Variants in SMARCA2 observed in about 807,000 individuals in gnomAD.
The protein encoded by SMARCA2 is SWI/SNF related BAF chromatin remodeling complex subunit ATPase 2, also known as SWI/SNF-related matrix-associated actin-dependent regulator of chromatin subfamily A member 2.
A neutral mutation model predicts 199.8 loss-of-function variants in SMARCA2; 61 were observed. The ratio of observed to expected loss-of-function variants is 0.31; its 90% CI spans 0.25 to 0.38. SMARCA2 has a LOEUF of 0.38. Among genes scored for constraint, SMARCA2 ranks in the 10% least tolerant of loss-of-function variants. The probability of loss-of-function intolerance (pLI) is 1.00; values close to 1 mark genes in which losing one functional copy is unlikely to be tolerated. For synonymous variants in SMARCA2, 935 were observed against 732.0 expected (o/e 1.28, Z -4.48); for missense variants, 1,344 against 2,012.2 (o/e 0.67, Z 6.35).
intron 1 of SMARCA2, among the ~76,000 whole-genome samples, chr9:2,024,256 C>G (rs1818727835): frequency 6.6e-6 from 1 of 152,156 alleles, no homozygotes; most frequent in Non-Finnish European, 1.5e-5. Flanking sequence ...TACACTTTAC[C>G]TAATTCCTTT....
chr9:2,141,574 G>A (rs960666963), intron 27 of SMARCA2, among the ~76,000 whole-genome samples: 1 of 152,164 alleles, frequency 6.6e-6, no homozygotes, highest in Non-Finnish European at 1.5e-5. Context: ...AGAAGATTGT[G>A]TAGTTACTAG....
At chr9:2,018,552 G>A (rs1278890391) in intron 1 of SMARCA2, among the ~76,000 whole-genome samples, 1 of 152,152 alleles carries the variant, frequency 6.6e-6, no homozygotes, top group Non-Finnish European at 1.5e-5. Context: ...TGCACTGAGC[G>A]GTTATTTTTA....
intron 32 of SMARCA2, among the ~76,000 whole-genome samples, chr9:2,190,517 T>C (rs1439975403): frequency 6.6e-6 from 1 of 152,232 alleles, no homozygotes; most frequent in Non-Finnish European, 1.5e-5. Flanking sequence ...TATGGACATG[T>C]ATAAAGATCC....
chr9:2,084,711 G>C (rs1336190143), intron 17 of SMARCA2, among the ~76,000 whole-genome samples: 1 of 151,924 alleles, frequency 6.6e-6, no homozygotes, highest in African/African-American at 2.4e-5. Context: ...GGTTTTTCCT[G>C]GTGAAATAAT....
Position 2,170,109 on chromosome 9 carries a change from C to T in SMARCA2, c.4200-310C>T. On this transcript the variant is annotated intron_variant, in intron 28 of 33. Coordinates refer to ENST00000349721, the MANE Select transcript of SMARCA2 (RefSeq NM_003070.5). This position sits in a 1 kb window ranked among gnomAD's most constrained non-coding sequence, Gnocchi z 4.7. ...GATCACACGCACCTCTAGCCAGTGG[C>T]TGCCTGTCTCCCACCTTCTGGAACA... 6.6e-6 allele frequency among the ~76,000 whole-genome samples: 1 copy of T among 152,222 alleles called. No homozygotes were observed. The highest frequency in any genetic ancestry group is 1.9e-4 in the East Asian group (1 of 5,202).
chr9:2,122,428 A>T (rs559614151), intron 26 of SMARCA2, among the ~76,000 whole-genome samples: 1 of 152,136 alleles, frequency 6.6e-6, no homozygotes, highest in Admixed American at 6.5e-5. Flanking sequence ...TGTGCCAGTT[A>T]TGAAGGTTTG....
intron 31 of SMARCA2, 35 bp from the exon 32 acceptor site, chr9:2,186,061 T>C (rs1827428351): frequency 8.7e-6 from 14 of 1,605,636 alleles, no homozygotes; most frequent in Non-Finnish European, 1.2e-5. Flanking sequence ...GTAACTCAGC[T>C]TGCAGTTTTA....
intron 29 of SMARCA2, among the ~76,000 whole-genome samples, chr9:2,180,341 A>AT (rs1051912107): frequency 4.6e-5 from 7 of 152,200 alleles, no homozygotes; most frequent in African/African-American, 1.7e-4. Flanking sequence ...GCACTTCAGC[A>AT]TTTTTTCCAC....
At chr9:2,095,352 G>A (rs1822230835) in intron 19 of SMARCA2, among the ~76,000 whole-genome samples, 1 of 151,936 alleles carries the variant, frequency 6.6e-6, no homozygotes, top group Admixed American at 6.6e-5. Context: ...CCAAAGTGCT[G>A]GGACTGCAGG....
At position 2,173,274 on chromosome 9, in the gene SMARCA2, T is replaced by C. The variant is rs566298079; in HGVS notation, c.4253+2802T>C. Among the ~76,000 whole-genome samples, 98 of 152,188 alleles carry C rather than the reference T, an allele frequency of 6.4e-4. 1 individual carries two copies. Among genetic ancestry groups the C allele is most frequent in the Non-Finnish European group, 9.3e-4 (63 of 68,032 alleles). On this transcript the variant is annotated intron_variant, in intron 29 of 33. Transcript: ENST00000349721. The stretch of plus-strand genomic sequence containing the variant: ...ACAGCTGAACTCTCTACTTGGCCAT[T>C]AGCAGCCCTTGATGTTGTGATGATG...
intron 1 of SMARCA2, among the ~76,000 whole-genome samples, chr9:2,026,239 A>T (rs1184515626): frequency 6.6e-6 from 1 of 152,166 alleles, no homozygotes; most frequent in African/African-American, 2.4e-5. Flanking sequence ...ACATTTCTTC[A>T]TTTGTTAAAC....
intron 10 of SMARCA2, among the ~76,000 whole-genome samples, chr9:2,072,587 C>A (rs1000558171): frequency 6.6e-6 from 1 of 152,174 alleles, no homozygotes; most frequent in Non-Finnish European, 1.5e-5. Flanking sequence ...AGTTATAATA[C>A]CTTTTCTGTT....
rs1823242261 is a variant in SMARCA2 at position 2,117,009 on chromosome 9, T to C, written c.3684+960T>C. On this transcript the variant is annotated intron_variant, in intron 25 of 33. Coordinates refer to ENST00000349721, the MANE Select transcript of SMARCA2 (RefSeq NM_003070.5). ...GAACCTGAGTCTTTTAAAAGTCTTA[T>C]AAACAAATACTCCTCAACTTACAAT... is the stretch of plus-strand genomic sequence containing the variant. Among the ~76,000 whole-genome samples, 4 of 152,198 alleles carry C rather than the reference T, an allele frequency of 2.6e-5. No individual in the cohort carries two copies. The South Asian group carries it at 6.2e-4, about 24-fold the overall frequency.
Position 2,157,887 on chromosome 9 carries a change from G to A in SMARCA2, c.3982-3799G>A, listed in dbSNP as rs977350111. On this transcript the variant is annotated intron_variant, in intron 27 of 33. Transcript: ENST00000349721. ...CCTGCCGTCACGCAGTAAAGATGTG[G>A]TTGGTGTGTGTCAGGATGAGAGGGC... 1.0e-5 allele frequency: 4 copies of A among 398,550 alleles called. No homozygotes were observed. The highest frequency in any genetic ancestry group is 1.3e-5 in the Non-Finnish European group (3 of 226,050). 24.7% of individuals were successfully genotyped at this position (398,550 alleles called of 1,614,324 possible).
rs549197267 is a variant in SMARCA2 at position 2,170,869 on chromosome 9, T to C, written c.4253+397T>C. ...TTAGAAGCTTAATGCGAAGCACCTG[T>C]AGTGACTTGATCTCCTGCGAGACAT... On this transcript the variant is annotated intron_variant, in intron 29 of 33. Transcript: ENST00000349721. This position sits in a 1 kb window ranked among gnomAD's most constrained non-coding sequence, Gnocchi z 4.7. 2.0e-5 allele frequency among the ~76,000 whole-genome samples: 3 copies of C among 152,302 alleles called. No homozygotes were observed. The highest frequency in any genetic ancestry group is 3.9e-4 in the East Asian group (2 of 5,182).
chr9:2,192,424 G>A (rs1827947358), intron 33 of SMARCA2: 2 of 372,816 alleles, frequency 5.4e-6, no homozygotes, highest in African/African-American at 4.3e-5. Flanking sequence ...GGCTGAAAAA[G>A]AGAAAATATT....
chr9:2,139,465 G>A (rs546422942), intron 27 of SMARCA2, among the ~76,000 whole-genome samples: 1 of 152,192 alleles, frequency 6.6e-6, no homozygotes, highest in Non-Finnish European at 1.5e-5. Context: ...GTGTGATATT[G>A]TGAAGTCCAG....
intron 12 of SMARCA2, 32 bp from the exon 13 acceptor site, chr9:2,076,197 T>G (rs1239327087): frequency 1.7e-6 from 2 of 1,173,038 alleles, no homozygotes; most frequent in African/African-American, 3.0e-5. Context: ...TGTTAAAATA[T>G]AATTTCCTCC....
intron 32 of SMARCA2, among the ~76,000 whole-genome samples, chr9:2,190,124 T>C (rs539659654): frequency 6.6e-6 from 1 of 152,354 alleles, no homozygotes; most frequent in South Asian, 2.1e-4. Context: ...CTTTGGGATA[T>C]GTACCTATAT....
Sources: gnomAD v4.1 joint callset for allele counts (sites outside exome capture counted in the v4.1 genomes callset) on GRCh38, gnomAD v4.1.1 for gene constraint, Gnocchi (gnomAD v3.1) non-coding constraint, MANE v1.5 for transcripts, NCBI Gene and HGNC (gene_info 2026-07-23, HGNC 2026-07-21) for gene names.